The following OCA2 variants were observed in gnomAD, a reference collection of about 807,000 sequenced individuals.
The protein encoded by OCA2 is OCA2 melanosomal transmembrane protein, also known as P protein.
OCA2 carries 77 observed loss-of-function variants against 100.2 expected under a neutral mutation model. That is an observed-to-expected ratio of 0.77 (90% CI 0.64 to 0.93). The LOEUF is 0.93. Among genes scored for constraint, OCA2 ranks in the 40% least tolerant of loss-of-function variants. The probability of loss-of-function intolerance (pLI) is 0.00; values close to 1 mark genes in which losing one functional copy is unlikely to be tolerated. For missense variants in OCA2, 1,062 were observed against 1,089.1 expected, an observed-to-expected ratio of 0.98 and a Z score of 0.35; for synonymous variants, 432 against 439.2, an observed-to-expected ratio of 0.98 and a Z score of 0.21.
At position 27,990,591 on chromosome 15, in the gene OCA2, C is replaced by A; in HGVS notation, c.1101G>T (p.Leu367=). The part of the protein sequence containing the change: ...MLGSLAALAA[L]AVIGDRPSLT... ...GACAACTTACATCGCCAATCACAGC[C>A]AGTGCTGCCAGTGCTGCAAGGGAAC... The change falls in exon 10 of 24, where the codon CTG becomes CTT. Residue 367 remains leucine, a synonymous_variant. Transcript: ENST00000354638. 6.2e-7 allele frequency: 1 copy of A among 1,613,986 alleles called. No individual in the cohort carries two copies. Among genetic ancestry groups the A allele is most frequent in the Non-Finnish European group, 8.5e-7 (1 of 1,179,980 alleles).
chr15:27,857,802 A>C (rs2035996403), intron 21 of OCA2, among the ~76,000 whole-genome samples: 1 of 152,184 alleles, frequency 6.6e-6, no homozygotes, highest in Non-Finnish European at 1.5e-5. Context: ...ATAAAGATGT[A>C]ATCTATGAAG....
chr15:27,719,285 C>CT, the OCA2 span, among the ~76,000 whole-genome samples: 1 of 152,166 alleles, frequency 6.6e-6, no homozygotes, highest in African/African-American at 2.4e-5. Context: ...CCTCATAGGG[C>CT]TTTTCTCTGT....
intron 14 of OCA2, among the ~76,000 whole-genome samples, chr15:27,968,352 C>CA (rs2040650973): frequency 6.8e-6 from 1 of 146,742 alleles, no homozygotes; most frequent in African/African-American, 2.5e-5. Context: ...TGGGGAATGA[C>CA]AGGGGCAGGG....
intron 21 of OCA2, among the ~76,000 whole-genome samples, chr15:27,870,679 GGAAA>G (rs1309785368): frequency 1.1e-3 from 20 of 17,556 alleles, no homozygotes; most frequent in African/African-American, 2.9e-3. Flanking sequence ...AAGGAAGGAA[GGAAA>G]GAAGGAAGGA....
rs139973327 is a variant in OCA2, at chr15:27,808,866, C to T, written c.2432+36093G>A. ...ATGTGTTGGCCACATCCCAGGACAA[C>T]GGCTGTCCTGCTCCCGTCTCTTCTA... On this transcript the variant is annotated intron_variant, in intron 23 of 23. Transcript: ENST00000354638. 2.2e-3 allele frequency among the ~76,000 whole-genome samples: 333 copies of T among 152,302 alleles called. 1 individual carries two copies. The highest frequency in any genetic ancestry group is 7.3e-3 in the African/African-American group (305 of 41,554).
At position 27,916,888 on chromosome 15, in the gene OCA2, G is replaced by A. The variant is rs138767664; in HGVS notation, c.2079+9239C>T. Among the ~76,000 whole-genome samples the A allele has an allele frequency of 7.9e-4, 121 of 152,268 alleles. 1 individual carries two copies. Among genetic ancestry groups the A allele is most frequent in the African/African-American group, 2.4e-3 (99 of 41,556 alleles). On this transcript the variant is annotated intron_variant, in intron 19 of 23. Coordinates refer to ENST00000354638, the MANE Select transcript of OCA2 (RefSeq NM_000275.3). ...AAGAAGGATTTGACCCAAAACGTAC[G>A]CTGGAGAACTCAGGTCCAAAATGGC...
intron 19 of OCA2, among the ~76,000 whole-genome samples, chr15:27,914,992 T>A (rs1240483306): frequency 1.3e-5 from 2 of 151,930 alleles, no homozygotes; most frequent in East Asian, 3.9e-4. Context: ...AACCAAAACA[T>A]CATGGTAGTG....
At chr15:28,054,886 G>A (rs971375043) in intron 2 of OCA2, among the ~76,000 whole-genome samples, 1 of 152,158 alleles carries the variant, frequency 6.6e-6, no homozygotes, top group African/African-American at 2.4e-5. Flanking sequence ...TTCACGTGGT[G>A]GGAGGAGAGA....
At chr15:27,986,446 G>C (rs535182633) in intron 12 of OCA2, 141 bp downstream of exon 12, 2 of 665,262 alleles carry the variant, frequency 3.0e-6, no homozygotes, top group Non-Finnish European at 5.4e-6. Flanking sequence ...AGTATACCCT[G>C]CCCTGCAGAA....
At chr15:28,035,271 A>G (rs541442835) in intron 2 of OCA2, among the ~76,000 whole-genome samples, 1 of 152,344 alleles carries the variant, frequency 6.6e-6, no homozygotes, top group African/African-American at 2.4e-5. Context: ...TTATGTAATT[A>G]TATTTCTAAA....
chr15:28,051,669 TATTC>T (rs926558513), intron 2 of OCA2, among the ~76,000 whole-genome samples: 6 of 143,934 alleles, frequency 4.2e-5, no homozygotes, highest in African/African-American at 1.6e-4. Context: ...GTGTAGTGGC[TATTC>T]ATTCAGAGGC....
intron 9 of OCA2, among the ~76,000 whole-genome samples, chr15:27,999,059 AGAGGGGG>A (rs2041844978): frequency 6.6e-6 from 1 of 150,986 alleles, no homozygotes; most frequent in African/African-American, 2.4e-5. Context: ...TGGGGTGGGG[AGAGGGGG>A]GAGGGATAGC....
the OCA2 span, among the ~76,000 whole-genome samples, chr15:27,743,370 G>A: frequency 3.9e-5 from 6 of 152,186 alleles, no homozygotes; most frequent in Non-Finnish European, 7.3e-5. Flanking sequence ...TATTCCAGTC[G>A]CTTTCAGGCT....
intron 19 of OCA2, among the ~76,000 whole-genome samples, chr15:27,915,615 A>T (rs773063154): frequency 6.6e-6 from 1 of 152,228 alleles, no homozygotes; most frequent in Non-Finnish European, 1.5e-5. Context: ...AATGCTCAAC[A>T]TGGCTAATCA....
At chr15:27,989,753 C>A in intron 10 of OCA2, 87 bp from the exon 11 acceptor site, 1 of 1,210,342 alleles carries the variant, frequency 8.3e-7, no homozygotes, top group South Asian at 1.3e-5. Flanking sequence ...CTGCTGCAGA[C>A]CCACTCAGTG....
intron 14 of OCA2, among the ~76,000 whole-genome samples, chr15:27,977,365 T>C (rs1567182263): frequency 6.6e-6 from 1 of 152,212 alleles, no homozygotes. Context: ...TTTAGTGTTA[T>C]AAATTTCCTT....
At chr15:28,056,645 T>A (rs1375506042) in intron 2 of OCA2, among the ~76,000 whole-genome samples, 1 of 152,244 alleles carries the variant, frequency 6.6e-6, no homozygotes, top group Admixed American at 6.5e-5. Flanking sequence ...CATGTGTGTG[T>A]GGAGGATGGC....
intron 9 of OCA2, among the ~76,000 whole-genome samples, chr15:27,994,787 G>C (rs1159992077): frequency 6.6e-6 from 1 of 152,168 alleles, no homozygotes; most frequent in Non-Finnish European, 1.5e-5. Context: ...CAGCCCCCAA[G>C]GAAATTATCT....
intron 23 of OCA2, among the ~76,000 whole-genome samples, chr15:27,789,067 A>ATATTCATGTT (rs2032956282): frequency 6.6e-6 from 1 of 152,122 alleles, no homozygotes. Flanking sequence ...GGCCAAAAGC[A>ATATTCATGTT]TATTCATGTT....
Sources: allele counts gnomAD v4.1 joint callset (sites outside exome capture counted in the v4.1 genomes callset), GRCh38; gene constraint gnomAD v4.1.1; transcripts MANE v1.5; gene names NCBI Gene and HGNC (gene_info 2026-07-23, HGNC 2026-07-21).